The following FRYL variants were observed in gnomAD, a reference collection of about 807,000 sequenced individuals.
FRYL encodes the protein FRY like transcription coactivator.
A neutral mutation model predicts 351.2 loss-of-function variants in FRYL; 150 were observed. The observed-to-expected ratio is 0.43, with a 90% CI of 0.37 to 0.49. The LOEUF (loss-of-function observed/expected upper bound fraction) is 0.49, where lower values mean the gene tolerates loss of function less well. FRYL is among the 20% of genes least tolerant of loss of function. The pLI, the probability that FRYL is intolerant of heterozygous loss-of-function variation, is 0.00. For missense variants in FRYL, 3,036 were observed against 3,619.3 expected (o/e 0.84, Z 4.13); for synonymous variants, 1,153 against 1,257.1 (o/e 0.92, Z 1.75).
intron 1 of FRYL, among the ~76,000 whole-genome samples, chr4:48,766,308 C>A (rs1466982108): frequency 1.3e-5 from 2 of 152,174 alleles, no homozygotes; most frequent in Non-Finnish European, 2.9e-5. Flanking sequence ...AGAGTCCACA[C>A]TCCTGAGACT....
At chr4:48,582,137 T>C (rs1741086185) in intron 20 of FRYL, among the ~76,000 whole-genome samples, 1 of 152,204 alleles carries the variant, frequency 6.6e-6, no homozygotes, top group African/African-American at 2.4e-5. Context: ...TTACTGTCTA[T>C]GTGAAACAGG....
chr4:48,726,265 T>C (rs1356060443), intron 1 of FRYL, among the ~76,000 whole-genome samples: 4 of 152,216 alleles, frequency 2.6e-5, no homozygotes, highest in Non-Finnish European at 5.9e-5. Flanking sequence ...AACAACATTA[T>C]CCATTTTCCC....
Position 48,549,699 on chromosome 4 carries a change from A to G in FRYL, c.4634-76T>C. ...ATAAGCAAACTCTAGTAAGATCCCAACTATTTATATAGTATTGGAAAGTGA... is the reference window on the plus strand; with the variant it reads ...ATAAGCAAACTCTAGTAAGATCCCAGCTATTTATATAGTATTGGAAAGTGA... On this transcript the variant is annotated intron_variant, in intron 38 of 63. Transcript: ENST00000358350. The surrounding 1 kb of genome is among the most constrained non-coding windows in gnomAD (Gnocchi z 4.2). 8.2e-7 allele frequency: 1 copy of G among 1,223,014 alleles called. No homozygotes were observed. Among genetic ancestry groups the G allele is most frequent in the Admixed American group, 2.0e-5 (1 of 50,446 alleles). The allele number at this position is 1,223,014 out of a possible 1,614,324, so 75.8% of individuals were successfully genotyped here. A position where few individuals can be genotyped will look rare whatever the true frequency, so the allele number is the denominator to read the frequency against.
intron 55 of FRYL, among the ~76,000 whole-genome samples, chr4:48,518,195 A>G (rs1274907595): frequency 6.6e-6 from 1 of 152,172 alleles, no homozygotes; most frequent in Non-Finnish European, 1.5e-5. Flanking sequence ...GTGTGATCCA[A>G]ACTAGGCACT....
intron 1 of FRYL, among the ~76,000 whole-genome samples, chr4:48,750,694 G>C (rs1303739867): frequency 2.6e-5 from 4 of 152,168 alleles, no homozygotes; most frequent in Non-Finnish European, 5.9e-5. Context: ...ATAATTGCAA[G>C]ATTTTTGGCC....
intron 1 of FRYL, among the ~76,000 whole-genome samples, chr4:48,757,900 G>A (rs1773965646): frequency 6.6e-6 from 1 of 152,114 alleles, no homozygotes; most frequent in African/African-American, 2.4e-5. Flanking sequence ...ATAGACCAAT[G>A]GAACAGAACA....
At chr4:48,652,858 G>C (rs1758007113) in intron 3 of FRYL, among the ~76,000 whole-genome samples, 1 of 152,084 alleles carries the variant, frequency 6.6e-6, no homozygotes, top group Non-Finnish European at 1.5e-5. Context: ...AAAACAACCA[G>C]GTTCTATTCC....
intron 19 of FRYL, among the ~76,000 whole-genome samples, chr4:48,583,904 C>CAA (rs144212209): frequency 1.6e-5 from 2 of 128,848 alleles, no homozygotes; most frequent in African/African-American, 5.8e-5. Context: ...GACATCATCT[C>CAA]AAAAAAAAAA....
intron 3 of FRYL, among the ~76,000 whole-genome samples, chr4:48,642,961 G>C (rs1755623082): frequency 6.6e-6 from 1 of 152,100 alleles, no homozygotes; most frequent in African/African-American, 2.4e-5. Context: ...TGAACAAGCT[G>C]AATTATATTG....
intron 2 of FRYL, among the ~76,000 whole-genome samples, chr4:48,689,038 T>C (rs1412366641): frequency 6.6e-6 from 1 of 152,196 alleles, no homozygotes; most frequent in African/African-American, 2.4e-5. Flanking sequence ...AATTACAGAT[T>C]ATATTACATG....
intron 40 of FRYL, among the ~76,000 whole-genome samples, chr4:48,548,337 C>T (rs1397419780): frequency 6.6e-6 from 1 of 152,104 alleles, no homozygotes; most frequent in Non-Finnish European, 1.5e-5. Flanking sequence ...ATACTTAGAA[C>T]CTATCTCAAC....
At chr4:48,550,729 GTCACAGT>G (rs1732519735) in intron 37 of FRYL, 25 bp from the exon 38 acceptor site, 2 of 1,461,600 alleles carry the variant, frequency 1.4e-6, no homozygotes, top group Non-Finnish European at 1.9e-6. Context: ...ACTGAAGTTA[GTCACAGT>G]TCACGGTGCA....
intron 3 of FRYL, among the ~76,000 whole-genome samples, chr4:48,656,152 G>A (rs1225556685): frequency 3.1e-5 from 4 of 129,660 alleles, no homozygotes; most frequent in East Asian, 2.2e-4. Flanking sequence ...ATTATAAAAC[G>A]TATATAATTA....
rs545267489 is a variant in FRYL, at chr4:48,515,119, C to T, written c.7846G>A (p.Glu2616Lys). 9.9e-6 allele frequency: 16 copies of T among 1,613,886 alleles called. No homozygotes were observed. The highest frequency in any genetic ancestry group is 6.7e-5 in the East Asian group (3 of 44,872). ...PEPLAPESYP[E>K]SVCEEDVTLA... is the part of the protein sequence containing the mutation. The stretch of plus-strand genomic sequence containing the variant: ...GTAACATCCTCTTCACAGACTGACT[C>T]GGGGTAACTTTCAGGAGCTAGAGGC... The change falls in exon 56 of 64, where the codon GAG (glutamate) becomes AAG (lysine). Residue 2616 changes from glutamate to lysine, a missense_variant. By Grantham distance (56) the Glu-to-Lys change is moderately conservative (BLOSUM62 1). Around this residue, in one of 7 missense-constraint regions of FRYL, gnomAD observed 1,987 missense variants for 2,311.7 expected, o/e 0.86. Transcript: ENST00000358350.
chr4:48,542,427 T>C (rs1730402308), intron 44 of FRYL, among the ~76,000 whole-genome samples: 1 of 152,196 alleles, frequency 6.6e-6, no homozygotes, highest in African/African-American at 2.4e-5. Context: ...GTTTGTTTGT[T>C]TGTATTTGAG....
At chr4:48,562,815 T>C in intron 32 of FRYL, 74 bp downstream of exon 32, 1 of 853,478 alleles carries the variant, frequency 1.2e-6, no homozygotes, top group Non-Finnish European at 2.0e-6. Context: ...CAGTATGCTT[T>C]AATAGCAAGA....
intron 37 of FRYL, 102 bp from the exon 38 acceptor site, chr4:48,550,806 G>A (rs954531537): frequency 1.6e-5 from 14 of 857,810 alleles, no homozygotes; most frequent in East Asian, 2.5e-5. Context: ...GGACGCCATG[G>A]TTCAAGCCTG....
intron 1 of FRYL, among the ~76,000 whole-genome samples, chr4:48,779,177 A>G (rs1262935053): frequency 6.6e-6 from 1 of 152,228 alleles, no homozygotes; most frequent in Non-Finnish European, 1.5e-5. Context: ...GAACGCAGGA[A>G]ACCAGGCTGT....
At chr4:48,643,831 A>C (rs1158086411) in intron 3 of FRYL, among the ~76,000 whole-genome samples, 1 of 152,182 alleles carries the variant, frequency 6.6e-6, no homozygotes, top group Non-Finnish European at 1.5e-5. Context: ...CCTAATATAA[A>C]AGAAGATATA....
Sources: allele counts gnomAD v4.1 joint callset (sites outside exome capture counted in the v4.1 genomes callset), GRCh38; gene constraint gnomAD v4.1.1; regional missense constraint gnomAD v4.1.1; non-coding constraint Gnocchi (gnomAD v3.1); transcripts MANE v1.5; gene names NCBI Gene and HGNC (gene_info 2026-07-23, HGNC 2026-07-21).